The following ATP9B variants were observed in gnomAD, a reference collection of about 807,000 sequenced individuals.
ATP9B encodes probable phospholipid-transporting ATPase IIB.
ATP9B carries 110 observed loss-of-function variants against 146.1 expected under a neutral mutation model. That is an observed-to-expected ratio of 0.75 (90% CI 0.65 to 0.88). The LOEUF is 0.88. Among genes scored for constraint, ATP9B ranks in the 40% least tolerant of loss-of-function variants. The probability of loss-of-function intolerance (pLI) is 0.00; values close to 1 mark genes in which losing one functional copy is unlikely to be tolerated. For missense variants in ATP9B, 1,499 were observed against 1,496.4 expected, an observed-to-expected ratio of 1.00 and a Z score of -0.03; for synonymous variants, 604 against 569.7, an observed-to-expected ratio of 1.06 and a Z score of -0.86.
chr18:79,119,882 A>G (rs1311669742), intron 4 of ATP9B, among the ~76,000 whole-genome samples: 2 of 152,220 alleles, frequency 1.3e-5, no homozygotes, highest in Non-Finnish European at 2.9e-5. Flanking sequence ...TCTGAGAAGC[A>G]AGCTTAGGAG....
At chr18:79,144,395 C>T (rs2094551645) in intron 6 of ATP9B, 1 of 152,294 alleles carries the variant, frequency 6.6e-6, no homozygotes, top group African/African-American at 2.4e-5. Context: ...TTCCATGGAC[C>T]AAGGTTCAGT....
At chr18:79,184,519 G>A (rs1445262433) in intron 8 of ATP9B, among the ~76,000 whole-genome samples, 1 of 151,734 alleles carries the variant, frequency 6.6e-6, no homozygotes, top group African/African-American at 2.4e-5. Flanking sequence ...TTTATGTTGT[G>A]AAATAAGTCT....
At chr18:79,346,138 GTCAGCACACAC>G (rs538412776) in intron 23 of ATP9B, among the ~76,000 whole-genome samples, 153 of 149,794 alleles carry the variant, frequency 1.0e-3, no homozygotes, top group African/African-American at 3.8e-3. Context: ...CCAGCGCACA[GTCAGCACACAC>G]TCAGCACACG....
rs552072660 is a variant in ATP9B, at chr18:79,293,054, C to T, written c.1412-10550C>T. Among the ~76,000 whole-genome samples the T allele has an allele frequency of 6.8e-4, 103 of 151,604 alleles. 1 individual carries two copies. The highest frequency in any genetic ancestry group is 1.9e-3 in the African/African-American group (77 of 41,242). On this transcript the variant is annotated intron_variant, in intron 13 of 29. Coordinates refer to ENST00000426216, the MANE Select transcript of ATP9B (RefSeq NM_198531.5). ...GGCCATAAATAAATCCAAACACTTA[C>T]GGTCATTGGGTTTTCAACAAGGATG...
chr18:79,255,766 G>A (rs895487336), intron 12 of ATP9B, among the ~76,000 whole-genome samples: 2 of 152,188 alleles, frequency 1.3e-5, no homozygotes, highest in African/African-American at 2.4e-5. Context: ...ACATAGAGGG[G>A]CACATATGCA....
At chr18:79,364,249 G>A (rs2097012255) in intron 26 of ATP9B, 1 of 143,782 alleles carries the variant, frequency 7.0e-6, no homozygotes, top group Non-Finnish European at 1.5e-5. Context: ...CTGGGCGACA[G>A]AGCGAAACTC....
intron 13 of ATP9B, among the ~76,000 whole-genome samples, chr18:79,283,053 A>C (rs1458641909): frequency 6.6e-6 from 1 of 152,340 alleles, no homozygotes; most frequent in South Asian, 2.1e-4. Flanking sequence ...AAACCAGTGC[A>C]TGTATTTACT....
At chr18:79,147,636 A>G (rs1438406761) in intron 6 of ATP9B, among the ~76,000 whole-genome samples, 1 of 152,072 alleles carries the variant, frequency 6.6e-6, no homozygotes, top group Non-Finnish European at 1.5e-5. Flanking sequence ...AAAAGTGAAA[A>G]TTCTGCATTC....
Position 79,303,652 on chromosome 18 carries a change from C to G in ATP9B, c.1460C>G (p.Thr487Ser), listed in dbSNP as rs766841649. 4 of 1,613,916 alleles carry G rather than the reference C, an allele frequency of 2.5e-6. No individual in the cohort carries two copies. Among genetic ancestry groups the G allele is most frequent in the African/African-American group, 1.3e-5 (1 of 74,896 alleles). Residue 487 changes from threonine (T) to serine (S), a missense_variant, in exon 14 of 30, where the codon ACC (threonine) becomes AGC (serine). Coordinates refer to ENST00000426216, the MANE Select transcript of ATP9B (RefSeq NM_198531.5). Reference sequence around the variant, plus strand: ...ATATTTAAGCGGCTGCACCTGGGCACCGTGTCCTATGGCGCCGACACGATG... The same window carrying G: ...ATATTTAAGCGGCTGCACCTGGGCAGCGTGTCCTATGGCGCCGACACGATG... The part of the protein sequence containing the change: ...EMIFKRLHLG[T>S]VSYGADTMDE...
At chr18:79,347,689 G>T in intron 23 of ATP9B, 81 bp from the exon 24 acceptor site, 1 of 1,419,880 alleles carries the variant, frequency 7.0e-7, no homozygotes, top group South Asian at 1.6e-5. Flanking sequence ...TAACATTTAG[G>T]CTGAGTTCTA....
At chr18:79,244,786 A>G (rs1325219561) in intron 11 of ATP9B, among the ~76,000 whole-genome samples, 1 of 152,210 alleles carries the variant, frequency 6.6e-6, no homozygotes, top group Non-Finnish European at 1.5e-5. Context: ...TTCAGTGTGT[A>G]CTATTAGAAA....
At chr18:79,072,876 G>A (rs2146380187) in intron 1 of ATP9B, among the ~76,000 whole-genome samples, 1 of 151,722 alleles carries the variant, frequency 6.6e-6, no homozygotes, top group African/African-American at 2.4e-5. Context: ...TCCCAGACAG[G>A]GTGGCGGCTG....
At chr18:79,158,426 C>G (rs1374122527) in intron 7 of ATP9B, among the ~76,000 whole-genome samples, 3 of 152,036 alleles carry the variant, frequency 2.0e-5, no homozygotes, top group Non-Finnish European at 4.4e-5. Flanking sequence ...GCTAGCAATA[C>G]AGGCATACAC....
intron 26 of ATP9B, among the ~76,000 whole-genome samples, chr18:79,371,778 G>C (rs1374241482): frequency 6.6e-6 from 1 of 152,192 alleles, no homozygotes; most frequent in Non-Finnish European, 1.5e-5. Context: ...GTGAGGGTTT[G>C]TCTTTCCTCT....
intron 12 of ATP9B, among the ~76,000 whole-genome samples, chr18:79,264,674 T>G (rs558873285): frequency 2.1e-5 from 3 of 145,716 alleles, no homozygotes; most frequent in Admixed American, 6.8e-5. Flanking sequence ...TGTTTTTTGT[T>G]TTTTTTTTTG....
At chr18:79,255,478 G>GTCTCCTTTGTCT (rs2096068687) in intron 12 of ATP9B, among the ~76,000 whole-genome samples, 1 of 152,200 alleles carries the variant, frequency 6.6e-6, no homozygotes, top group Non-Finnish European at 1.5e-5. Flanking sequence ...ACATGAATGA[G>GTCTCCTTTGTCT]CCCTAATCTC....
intron 24 of ATP9B, 61 bp from the exon 25 acceptor site, chr18:79,348,071 C>T: frequency 1.2e-6 from 2 of 1,603,186 alleles, no homozygotes; most frequent in Non-Finnish European, 1.7e-6. Flanking sequence ...CCCTGAGAGG[C>T]TTGGGGCCAC....
intron 8 of ATP9B, among the ~76,000 whole-genome samples, chr18:79,190,593 G>A (rs936142697): frequency 1.3e-5 from 2 of 151,742 alleles, no homozygotes; most frequent in African/African-American, 4.9e-5. Context: ...ACCCAGGCTG[G>A]AGTGCAGTGG....
Position 79,377,997 on chromosome 18 carries a change from A to G in ATP9B, c.*614A>G, listed in dbSNP as rs181100163. On this transcript the variant is annotated 3_prime_UTR_variant, in exon 30 of 30. Coordinates refer to ENST00000426216, the MANE Select transcript of ATP9B (RefSeq NM_198531.5). ...AATGAGCCCGAATTATTTCACTATT[A>G]CTGTAAAGGGTTCATCTTACTCTGG... is the stretch of plus-strand genomic sequence containing the variant. The G allele has an allele frequency of 6.5e-6, 1 of 153,100 alleles. No homozygotes were observed. Among genetic ancestry groups the G allele is most frequent in the East Asian group, 1.9e-4 (1 of 5,188 alleles). The allele number at this position is 153,100 out of a possible 1,614,324, so 9.5% of individuals were successfully genotyped here. A position where few individuals can be genotyped will look rare whatever the true frequency, so the allele number is the denominator to read the frequency against.
Sources: gnomAD v4.1 joint callset for allele counts (sites outside exome capture counted in the v4.1 genomes callset) on GRCh38, gnomAD v4.1.1 for gene constraint, MANE v1.5 for transcripts, NCBI Gene and HGNC (gene_info 2026-07-23, HGNC 2026-07-21) for gene names.